UBE2Q2: variants seen among roughly 807,000 people sequenced by gnomAD.
UBE2Q2 encodes the protein ubiquitin-conjugating enzyme E2 Q2.
Under a neutral mutation model 59.9 loss-of-function variants are expected in UBE2Q2, and 54 were observed. The observed-to-expected ratio is 0.90, with a 90% confidence interval of 0.72 to 1.13. UBE2Q2 has a LOEUF of 1.13. Ranked by LOEUF, UBE2Q2 falls within the 50% of genes most tolerant of loss-of-function variation. The probability of loss-of-function intolerance (pLI) is 0.00; values close to 1 mark genes in which losing one functional copy is unlikely to be tolerated. For synonymous variants in UBE2Q2, 165 were observed against 155.2 expected (o/e 1.06, Z -0.47); for missense variants, 433 against 441.9 (o/e 0.98, Z 0.18).
At chr15:75,870,610 AG>A (rs1219800008) in intron 4 of UBE2Q2, among the ~76,000 whole-genome samples, 1 of 152,206 alleles carries the variant, frequency 6.6e-6, no homozygotes, top group Non-Finnish European at 1.5e-5. Context: ...AAACCTAGAA[AG>A]GTAGACTGGA....
intron 9 of UBE2Q2, among the ~76,000 whole-genome samples, chr15:75,885,916 G>A (rs1465862233): frequency 1.3e-5 from 2 of 152,136 alleles, no homozygotes; most frequent in African/African-American, 4.8e-5. Flanking sequence ...TTTGGAAGTG[G>A]AATGTTAGGT....
intron 4 of UBE2Q2, among the ~76,000 whole-genome samples, chr15:75,871,631 C>G (rs1027560099): frequency 6.6e-6 from 1 of 152,222 alleles, no homozygotes; most frequent in Non-Finnish European, 1.5e-5. Flanking sequence ...CTTGCACAGC[C>G]CTTAATCCAT....
intron 11 of UBE2Q2, among the ~76,000 whole-genome samples, chr15:75,893,045 A>G (rs1438560751): frequency 6.6e-6 from 1 of 152,166 alleles, no homozygotes; most frequent in Non-Finnish European, 1.5e-5. Context: ...AATGAGGTCT[A>G]AAATATGTCT....
intron 1 of UBE2Q2, among the ~76,000 whole-genome samples, chr15:75,848,708 T>A (rs753455472): frequency 3.3e-5 from 5 of 151,826 alleles, no homozygotes; most frequent in Non-Finnish European, 7.4e-5. Context: ...TGGAAAAGGG[T>A]AGTATTTGAT....
intron 4 of UBE2Q2, among the ~76,000 whole-genome samples, chr15:75,872,456 G>A (rs991292460): frequency 2.6e-5 from 4 of 151,488 alleles, no homozygotes; most frequent in Admixed American, 6.6e-5. Context: ...AGAACAGATA[G>A]TACGGGAAAG....
At chr15:75,844,361 T>G (rs1896205264) in intron 1 of UBE2Q2, 1 of 1,550,786 alleles carries the variant, frequency 6.4e-7, no homozygotes, top group African/African-American at 1.4e-5. Flanking sequence ...ACAATGAGAA[T>G]GGACTCGTTG....
In UBE2Q2 at chr15:75,890,503, T is replaced by A; in HGVS notation, c.933+20T>A. 1.2e-6 allele frequency: 2 copies of A among 1,604,260 alleles called. No homozygotes were observed. ...AAACAGGTGACTTTTCTTACGATAC[T>A]CCATTTTCACCCACAATTTAGTGTT... On this transcript the variant is annotated intron_variant, in intron 10 of 12. Coordinates refer to ENST00000267938, the MANE Select transcript of UBE2Q2 (RefSeq NM_173469.4).
In UBE2Q2 at chr15:75,854,504, A is replaced by G. The variant is rs746191595; in HGVS notation, c.282+17A>G. 8 of 1,524,438 alleles carry G rather than the reference A, an allele frequency of 5.2e-6. No individual in the cohort carries two copies. In the South Asian group the frequency reaches 5.8e-5, roughly 11 times the overall value. The allele number at this position is 1,524,438 out of a possible 1,614,324, so 94.4% of individuals were successfully genotyped here. ...AACAATTTGGTAAGAAAATAAGCCA[A>G]GCTATTTTCTCTTTTCCTCATGAAC... On this transcript the variant is annotated intron_variant, in intron 2 of 12. Coordinates refer to ENST00000267938, the MANE Select transcript of UBE2Q2 (RefSeq NM_173469.4).
intron 11 of UBE2Q2, among the ~76,000 whole-genome samples, chr15:75,893,324 A>G (rs1445146811): frequency 1.3e-5 from 2 of 152,236 alleles, no homozygotes; most frequent in Admixed American, 6.5e-5. Flanking sequence ...CAGCTTTAGT[A>G]TCAAACAAAA....
chr15:75,883,540 G>T, intron 9 of UBE2Q2, 116 bp downstream of exon 9: 2 of 710,142 alleles, frequency 2.8e-6, no homozygotes, highest in Non-Finnish European at 4.7e-6. Context: ...GGGCTCAAGT[G>T]ATCCTCCCAC....
rs764593986 is a variant in UBE2Q2 at position 75,900,229 on chromosome 15, C to T, written c.*771C>T. The T allele has an allele frequency of 6.6e-6, 1 of 152,150 alleles. No homozygotes were observed. The highest frequency in any genetic ancestry group is 6.5e-5 in the Admixed American group (1 of 15,270). The allele number at this position is 152,150 out of a possible 1,614,324, so 9.4% of individuals were successfully genotyped here. A position where few individuals can be genotyped will look rare whatever the true frequency, so the allele number is the denominator to read the frequency against. ...TTATTTAAAATACTAAGTCATCTTA[C>T]GTTTCCATTTTATTAACGGGATGTT... On this transcript the variant is annotated 3_prime_UTR_variant, in exon 13 of 13. Transcript: ENST00000267938.
chr15:75,875,648 G>A (rs1294270355), intron 5 of UBE2Q2, among the ~76,000 whole-genome samples: 1 of 152,160 alleles, frequency 6.6e-6, no homozygotes, highest in East Asian at 1.9e-4. Context: ...TGGTGGTCTG[G>A]ACATGTTGGC....
chr15:75,844,973 A>G (rs1896258445), intron 1 of UBE2Q2, among the ~76,000 whole-genome samples: 1 of 152,146 alleles, frequency 6.6e-6, no homozygotes. Context: ...ATTTCAAAAA[A>G]AAAAAGACAA....
At chr15:75,844,149 T>C in intron 1 of UBE2Q2, 1 of 1,425,322 alleles carries the variant, frequency 7.0e-7, no homozygotes. Flanking sequence ...CAAGCCCTTG[T>C]GGGGTCCATG....
In UBE2Q2 at chr15:75,898,351, GTTTTGTTTTTTTTTAAATCTTAAAA is replaced by G. The variant is rs1899550971; in HGVS notation, c.1097-1071_1097-1047del. ...AGAAGCAGGGGAGATGACTTCTAGG[GTTTTGTTTTTTTTTAAATCTTAAAA>G]TTTTTTTGTTATTTTAAAAAAATAG... On this transcript the variant is annotated intron_variant, in intron 12 of 12. Transcript: ENST00000267938. 3.3e-5 allele frequency among the ~76,000 whole-genome samples: 5 copies of G among 151,886 alleles called. No homozygotes were observed. The South Asian group carries it at 1.0e-3, about 32-fold the overall frequency.
intron 1 of UBE2Q2, among the ~76,000 whole-genome samples, chr15:75,849,668 A>G (rs995688182): frequency 6.6e-6 from 1 of 152,244 alleles, no homozygotes; most frequent in African/African-American, 2.4e-5. Flanking sequence ...GTCCACTTAC[A>G]GTAATGTTTA....
chr15:75,860,793 G>T (rs1897167778), intron 3 of UBE2Q2, among the ~76,000 whole-genome samples: 1 of 152,088 alleles, frequency 6.6e-6, no homozygotes, highest in African/African-American at 2.4e-5. Flanking sequence ...CCATCTTGAG[G>T]TTTTTCTCAT....
Position 75,856,350 on chromosome 15 carries a change from T to C in UBE2Q2, c.282+1863T>C, listed in dbSNP as rs191074890. Among the ~76,000 whole-genome samples the C allele has an allele frequency of 4.0e-5, 6 of 151,242 alleles. No homozygotes were observed. The East Asian group carries it at 1.2e-3, about 30-fold the overall frequency. On this transcript the variant is annotated intron_variant, in intron 2 of 12. Transcript: ENST00000267938. Reference sequence around the variant, plus strand: ...TTTTTGGAAGTTGACAAAATGACTCTAACATTTGTTTAAAAGGGTAAATGA... The same window carrying C: ...TTTTTGGAAGTTGACAAAATGACTCCAACATTTGTTTAAAAGGGTAAATGA...
rs1595880528 is a variant in UBE2Q2 at position 75,873,433 on chromosome 15, A to G, written c.453A>G (p.Ile151Met). 7 of 1,605,928 alleles carry G rather than the reference A, an allele frequency of 4.4e-6. No individual in the cohort carries two copies. The highest frequency in any genetic ancestry group is 5.9e-6 in the Non-Finnish European group (7 of 1,178,224). The stretch of plus-strand genomic sequence containing the variant: ...CATTTTTCGTCTCTTTGTAGGATAT[A>G]GAAGACTTAGATCACTATGAGATGA... ...EEEEEEMAED[I>M]EDLDHYEMKE... The change falls in exon 5 of 13, where the codon ATA becomes ATG. Residue 151 changes from isoleucine (I) to methionine (M), a missense_variant. By Grantham distance (10) the Ile-to-Met change is conservative (BLOSUM62 1). Transcript: ENST00000267938.
Sources: allele counts gnomAD v4.1 joint callset (sites outside exome capture counted in the v4.1 genomes callset), GRCh38; gene constraint gnomAD v4.1.1; transcripts MANE v1.5; gene names NCBI Gene and HGNC (gene_info 2026-07-23, HGNC 2026-07-21).